Variants in GPC6 observed in about 807,000 individuals in gnomAD.
GPC6 encodes glypican 6, also known as glypican-6.
A neutral mutation model predicts 55.2 loss-of-function variants in GPC6; 14 were observed. The observed-to-expected ratio is 0.25, with a 90% CI of 0.17 to 0.40. GPC6 has a LOEUF of 0.40. GPC6 is among the 10% of genes least tolerant of loss of function. GPC6 has a pLI of 1.00. For missense variants in GPC6, 641 were observed against 708.5 expected (o/e 0.90, Z 1.08); for synonymous variants, 278 against 259.6 (o/e 1.07, Z -0.68).
chr13:94,159,918 C>T (rs1028024527), intron 4 of GPC6, among the ~76,000 whole-genome samples: 1 of 152,170 alleles, frequency 6.6e-6, no homozygotes, highest in Non-Finnish European at 1.5e-5. Context: ...TTAGCCTGTG[C>T]TGTCTTATAT....
intron 7 of GPC6, among the ~76,000 whole-genome samples, chr13:94,384,045 G>A (rs1880295770): frequency 6.6e-6 from 1 of 152,216 alleles, no homozygotes; most frequent in Admixed American, 6.5e-5. Context: ...TGCAATTCAA[G>A]ATGGGAATTG....
At chr13:93,842,611 G>T (rs978498297) in intron 3 of GPC6, among the ~76,000 whole-genome samples, 1 of 151,986 alleles carries the variant, frequency 6.6e-6, no homozygotes, top group Non-Finnish European at 1.5e-5. Flanking sequence ...TTTGTCACTT[G>T]GGTTGTGATT....
chr13:93,355,170 T>G (rs1434561603), intron 1 of GPC6, among the ~76,000 whole-genome samples: 1 of 152,200 alleles, frequency 6.6e-6, no homozygotes, highest in Admixed American at 6.5e-5. Flanking sequence ...CCTTTTGCTT[T>G]CTCTTCTCCT....
chr13:94,169,746 G>A (rs1243267535), intron 4 of GPC6, among the ~76,000 whole-genome samples: 1 of 152,038 alleles, frequency 6.6e-6, no homozygotes, highest in Non-Finnish European at 1.5e-5. Context: ...CCTGGTTTTT[G>A]AATCAGATTC....
At chr13:93,590,527 C>CTA (rs1877413677) in intron 2 of GPC6, among the ~76,000 whole-genome samples, 1 of 151,984 alleles carries the variant, frequency 6.6e-6, no homozygotes, top group Admixed American at 6.6e-5. Flanking sequence ...CACTTATATG[C>CTA]TATATCTTGA....
intron 4 of GPC6, among the ~76,000 whole-genome samples, chr13:94,101,453 G>C (rs905025511): frequency 2.6e-5 from 4 of 152,130 alleles, no homozygotes; most frequent in African/African-American, 9.7e-5. Context: ...CAGTGTCTGT[G>C]TTGTATGTGA....
In GPC6 at chr13:93,524,523, T is replaced by G. The variant is rs80199195; in HGVS notation, c.161-20740T>G. 2.4e-3 allele frequency among the ~76,000 whole-genome samples: 363 copies of G among 152,176 alleles called. 1 individual carries two copies. The highest frequency in any genetic ancestry group is 8.5e-3 in the African/African-American group (355 of 41,534). The stretch of plus-strand genomic sequence containing the variant: ...GGATGTAGCCTTGGACAAGAAAGTT[T>G]ACATTGGTCCACCTCTAATATGGAC... On this transcript the variant is annotated intron_variant, in intron 1 of 8. Coordinates refer to ENST00000377047, the MANE Select transcript of GPC6 (RefSeq NM_005708.5).
chr13:94,361,332 C>T lies in GPC6; in HGVS notation c.1153-21082C>T, dbSNP rs541148502. Among the ~76,000 whole-genome samples, 7 of 152,336 alleles carry T rather than the reference C, an allele frequency of 4.6e-5. No homozygotes were observed. The South Asian group carries it at 1.2e-3, about 27-fold the overall frequency. ...AGGCCCAGTGTTTAGAAGTACCTGA[C>T]ACTCTGTAGTTGCCACGTTCAAATT... On this transcript the variant is annotated intron_variant, in intron 6 of 8. Transcript: ENST00000377047.
At chr13:93,854,098 G>T (rs1030256546) in intron 3 of GPC6, among the ~76,000 whole-genome samples, 7 of 151,638 alleles carry the variant, frequency 4.6e-5, no homozygotes, top group Non-Finnish European at 8.9e-5. Flanking sequence ...TCTATGCAAA[G>T]GTTGGGGTGT....
At chr13:93,291,169 C>A (rs1427612516) in intron 1 of GPC6, among the ~76,000 whole-genome samples, 1 of 152,092 alleles carries the variant, frequency 6.6e-6, no homozygotes, top group Non-Finnish European at 1.5e-5. Context: ...GGATTATAAA[C>A]TCTTTTATAG....
rs370860115 is a variant in GPC6 at position 93,254,491 on chromosome 13, C to T, written c.160+26875C>T. On this transcript the variant is annotated intron_variant, in intron 1 of 8. Coordinates refer to ENST00000377047, the MANE Select transcript of GPC6 (RefSeq NM_005708.5). Reference sequence around the variant, plus strand: ...AAATAGAACAATTGTTTCATGAATCCCTTTTACTAACTTTTCTTAGGTAGA... The same window carrying T: ...AAATAGAACAATTGTTTCATGAATCTCTTTTACTAACTTTTCTTAGGTAGA... Among the ~76,000 whole-genome samples the T allele has an allele frequency of 1.2e-4, 19 of 152,134 alleles. No homozygotes were observed. In the East Asian group the frequency reaches 2.7e-3, roughly 22 times the overall value.
chr13:93,245,795 G>A (rs1417733161), intron 1 of GPC6, among the ~76,000 whole-genome samples: 3 of 152,252 alleles, frequency 2.0e-5, no homozygotes, highest in Middle Eastern at 3.4e-3. Flanking sequence ...AGATCTCCCC[G>A]CATACTTTAA....
intron 5 of GPC6, among the ~76,000 whole-genome samples, chr13:94,297,896 G>A (rs942888627): frequency 3.9e-5 from 6 of 152,030 alleles, no homozygotes; most frequent in Non-Finnish European, 7.4e-5. Context: ...AGAAACGCAT[G>A]AATCAGGGAG....
intron 3 of GPC6, among the ~76,000 whole-genome samples, chr13:94,008,680 A>G (rs1882119049): frequency 6.6e-6 from 1 of 152,150 alleles, no homozygotes; most frequent in Non-Finnish European, 1.5e-5. Context: ...AATAGTTGGA[A>G]AGGATGCATT....
chr13:93,259,712 G>A (rs1204135093), intron 1 of GPC6, among the ~76,000 whole-genome samples: 1 of 152,080 alleles, frequency 6.6e-6, no homozygotes, highest in Non-Finnish European at 1.5e-5. Context: ...AAGTGAATAT[G>A]CTAACCTTCA....
intron 3 of GPC6, among the ~76,000 whole-genome samples, chr13:93,933,019 T>G (rs1009590520): frequency 6.6e-6 from 1 of 150,754 alleles, no homozygotes; most frequent in Non-Finnish European, 1.5e-5. Context: ...GAGAATTGGT[T>G]TTCTTGCATT....
At chr13:94,020,134 CTCTTT>C (rs1882640989) in intron 3 of GPC6, among the ~76,000 whole-genome samples, 2 of 151,982 alleles carry the variant, frequency 1.3e-5, no homozygotes, top group South Asian at 4.2e-4. Context: ...AATCTTTCTT[CTCTTT>C]TAACATAGGC....
At chr13:93,419,646 C>T (rs1345789115) in intron 1 of GPC6, among the ~76,000 whole-genome samples, 1 of 152,224 alleles carries the variant, frequency 6.6e-6, no homozygotes, top group Non-Finnish European at 1.5e-5. Context: ...GAATCCAAGC[C>T]TGTAACACAG....
At chr13:93,912,471 C>T (rs1282894963) in intron 3 of GPC6, among the ~76,000 whole-genome samples, 3 of 152,112 alleles carry the variant, frequency 2.0e-5, no homozygotes, top group East Asian at 1.9e-4. Context: ...CGGCCGGGTG[C>T]AGTGGCTCAC....
Sources: gnomAD v4.1 joint callset for allele counts (sites outside exome capture counted in the v4.1 genomes callset) on GRCh38, gnomAD v4.1.1 for gene constraint, MANE v1.5 for transcripts, NCBI Gene and HGNC (gene_info 2026-07-23, HGNC 2026-07-21) for gene names.